KRTAP1-3: variants seen among roughly 807,000 people sequenced by gnomAD.
The protein encoded by KRTAP1-3 is keratin associated protein 1-3.
A neutral mutation model predicts 11.8 loss-of-function variants in KRTAP1-3; 10 were observed. That is an observed-to-expected ratio of 0.85 (90% CI 0.52 to 1.44). The LOEUF (loss-of-function observed/expected upper bound fraction) is 1.44. KRTAP1-3 is among the 40% of genes most tolerant of loss of function. The pLI is 0.00. For missense variants in KRTAP1-3, 176 were observed against 217.2 expected, an observed-to-expected ratio of 0.81 and a Z score of 1.19; for synonymous variants, 74 against 77.3, an observed-to-expected ratio of 0.96 and a Z score of 0.23.
In KRTAP1-3 at chr17:41,034,128, G is replaced by T. The variant is rs865808614; in HGVS notation, c.*190C>A. The T allele has an allele frequency of 2.6e-6, 2 of 780,572 alleles. No individual in the cohort carries two copies. Among genetic ancestry groups the T allele is most frequent in the African/African-American group, 1.8e-5 (1 of 56,876 alleles). 48.4% of individuals were successfully genotyped at this position (780,572 alleles called of 1,614,324 possible). ...ATTTGTATTTTGGCGTCCTCAGAGA[G>T]AAGAGTAAGGTCTTTCTGGAATTGA... On this transcript the variant is annotated 3_prime_UTR_variant, in exon 1 of 1. Coordinates refer to ENST00000344363, the MANE Select transcript of KRTAP1-3 (RefSeq NM_030966.2).
Position 41,034,481 on chromosome 17 carries a change from C to T in KRTAP1-3, c.341G>A (p.Arg114His), listed in dbSNP as rs200148920. The change falls in exon 1 of 1, where the codon CGT (arginine) becomes CAT (histidine). Residue 114 changes from arginine to histidine, a missense_variant. Physicochemically the swap from Arg to His is conservative, Grantham distance 29 (BLOSUM62 0). Transcript: ENST00000344363. ...TRIRWCRPDC[R>H]VEGTCLPPCC... Reference sequence around the variant, plus strand: ...GGGGGGCAGGCAGGTACCCTCCACACGGCAGTCTGGGCGGCACCACCTGAT... The same window carrying T: ...GGGGGGCAGGCAGGTACCCTCCACATGGCAGTCTGGGCGGCACCACCTGAT... 346 of 1,613,494 alleles carry T rather than the reference C, an allele frequency of 2.1e-4. 1 individual carries two copies. In the East Asian group the frequency reaches 3.4e-3, roughly 16 times the overall value.
In KRTAP1-3 at chr17:41,034,566, C is replaced by A; in HGVS notation, c.256G>T (p.Gly86Cys). Residue 86 changes from glycine to cysteine, a missense_variant, in exon 1 of 1, where the codon GGC becomes TGC. By Grantham distance (159) the Gly-to-Cys change is radical (BLOSUM62 -3). Transcript: ENST00000344363. The stretch of plus-strand genomic sequence containing the variant: ...CCATAGCCAATGCCACCACCAATGC[C>A]ACAGCCAGTTCCGCAGGAGCTGGTC... ...CQTSSCGTGC[G>C]IGGGIGYGQE... 5 of 1,612,386 alleles carry A rather than the reference C, an allele frequency of 3.1e-6. No homozygotes were observed. The highest frequency in any genetic ancestry group is 4.2e-6 in the Non-Finnish European group (5 of 1,179,798).
rs2012527210 is a variant in KRTAP1-3 at position 41,034,651 on chromosome 17, G to C, written c.171C>G (p.Ser57Arg). The change falls in exon 1 of 1, where the codon AGC (serine) becomes AGG (arginine). Residue 57 changes from serine to arginine, a missense_variant. Physicochemically the swap from Ser to Arg is moderately radical, Grantham distance 110 (BLOSUM62 -1). Coordinates refer to ENST00000344363, the MANE Select transcript of KRTAP1-3 (RefSeq NM_030966.2). ...AGCAGCTTGGCTGGCAGCAACTGGA[G>C]CTGCAGGTCCCACTAGTTGAGAAGC... ...FPSFSTSGTC[S>R]SSCCQPSCCE... The C allele has an allele frequency of 6.6e-7, 1 of 1,511,986 alleles. No individual in the cohort carries two copies. Among genetic ancestry groups the C allele is most frequent in the East Asian group, 2.6e-5 (1 of 38,678 alleles). The allele number at this position is 1,511,986 out of a possible 1,614,324, so 93.7% of individuals were successfully genotyped here.
chr17:41,034,019 C>T lies in KRTAP1-3; in HGVS notation c.*299G>A, dbSNP rs542331266. On this transcript the variant is annotated 3_prime_UTR_variant, in exon 1 of 1. Coordinates refer to ENST00000344363, the MANE Select transcript of KRTAP1-3 (RefSeq NM_030966.2). Reference sequence around the variant, plus strand: ...ACAGATGGCTCTTCCATGGTCTCGTCGGCGCTGAGACTCAGAGCGTGGGCT... The same window carrying T: ...ACAGATGGCTCTTCCATGGTCTCGTTGGCGCTGAGACTCAGAGCGTGGGCT... The T allele has an allele frequency of 9.8e-6, 4 of 406,306 alleles. No individual in the cohort carries two copies. Among genetic ancestry groups the T allele is most frequent in the East Asian group, 3.9e-5 (1 of 25,444 alleles). The allele number at this position is 406,306 out of a possible 1,614,324, so 25.2% of individuals were successfully genotyped here.
At position 41,034,129 on chromosome 17, in the gene KRTAP1-3, A is replaced by C; in HGVS notation, c.*189T>G. Reference sequence around the variant, plus strand: ...TTTGTATTTTGGCGTCCTCAGAGAGAAGAGTAAGGTCTTTCTGGAATTGAA... The same window carrying C: ...TTTGTATTTTGGCGTCCTCAGAGAGCAGAGTAAGGTCTTTCTGGAATTGAA... On this transcript the variant is annotated 3_prime_UTR_variant, in exon 1 of 1. Transcript: ENST00000344363. 1 of 777,072 alleles carries C rather than the reference A, an allele frequency of 1.3e-6. No homozygotes were observed. The highest frequency in any genetic ancestry group is 1.9e-6 in the Non-Finnish European group (1 of 520,072). 48.1% of individuals were successfully genotyped at this position (777,072 alleles called of 1,614,324 possible).
At position 41,034,026 on chromosome 17, in the gene KRTAP1-3, G is replaced by A. The variant is rs2012506515; in HGVS notation, c.*292C>T. On this transcript the variant is annotated 3_prime_UTR_variant, in exon 1 of 1. Coordinates refer to ENST00000344363, the MANE Select transcript of KRTAP1-3 (RefSeq NM_030966.2). ...GCTCTTCCATGGTCTCGTCGGCGCTGAGACTCAGAGCGTGGGCTTCAATGC... is the reference window on the plus strand; with the variant it reads ...GCTCTTCCATGGTCTCGTCGGCGCTAAGACTCAGAGCGTGGGCTTCAATGC... 1 of 430,546 alleles carries A rather than the reference G, an allele frequency of 2.3e-6. No individual in the cohort carries two copies. Among genetic ancestry groups the A allele is most frequent in the South Asian group, 6.0e-5 (1 of 16,738 alleles). 26.7% of individuals were successfully genotyped at this position (430,546 alleles called of 1,614,324 possible).
rs542205409 is a variant in KRTAP1-3 at position 41,034,490 on chromosome 17, G to A, written c.332C>T (p.Pro111Leu). 6.2e-7 allele frequency: 1 copy of A among 1,613,458 alleles called. No homozygotes were observed. The highest frequency in any genetic ancestry group is 1.3e-5 in the African/African-American group (1 of 74,986). Reference protein sequence around the residue: ...AVSTRIRWCRPDCRVEGTCLP... With the variant: ...AVSTRIRWCRLDCRVEGTCLP... ...GCAGGTACCCTCCACACGGCAGTCT[G>A]GGCGGCACCACCTGATACGGGTGCT... The change falls in exon 1 of 1, where the codon CCA becomes CTA. Residue 111 changes from proline to leucine, a missense_variant. By Grantham distance (98) the Pro-to-Leu change is moderately conservative. Coordinates refer to ENST00000344363, the MANE Select transcript of KRTAP1-3 (RefSeq NM_030966.2).
chr17:41,034,447 C>T lies in KRTAP1-3; in HGVS notation c.375G>A (p.Val125=). ...VEGTCLPPCC[V]VSCTPPTCCQ... ...AGCAGGTTGGGGGTGTGCAGCTCAC[C>T]ACACAGCAGGGGGGCAGGCAGGTAC... is the stretch of plus-strand genomic sequence containing the variant. Residue 125 remains valine, a synonymous_variant, in exon 1 of 1, where the codon GTG becomes GTA. Transcript: ENST00000344363. 6.2e-7 allele frequency: 1 copy of T among 1,613,778 alleles called. No individual in the cohort carries two copies. Among genetic ancestry groups the T allele is most frequent in the Non-Finnish European group, 8.5e-7 (1 of 1,180,018 alleles).
chr17:41,034,271 T>A lies in KRTAP1-3; in HGVS notation c.*47A>T. 6.6e-7 allele frequency: 1 copy of A among 1,521,194 alleles called. No homozygotes were observed. The highest frequency in any genetic ancestry group is 1.4e-5 in the African/African-American group (1 of 72,084). 94.2% of individuals were successfully genotyped at this position (1,521,194 alleles called of 1,614,324 possible). A position where few individuals can be genotyped will look rare whatever the true frequency, so the allele number is the denominator to read the frequency against. On this transcript the variant is annotated 3_prime_UTR_variant, in exon 1 of 1. Transcript: ENST00000344363. ...CTTGAAGAAATAATTCGTTCATGAA[T>A]GGAACTGAAAGTGGAAATTTCAAGT... is the stretch of plus-strand genomic sequence containing the variant.
Position 41,034,059 on chromosome 17 carries a change from G to T in KRTAP1-3, c.*259C>A. On this transcript the variant is annotated 3_prime_UTR_variant, in exon 1 of 1. Coordinates refer to ENST00000344363, the MANE Select transcript of KRTAP1-3 (RefSeq NM_030966.2). ...GAGCGTGGGCTTCAATGCTTGCAAA[G>T]GCTCAGTTTCAAGGTAAATCGGCTT... 1.9e-6 allele frequency: 1 copy of T among 523,506 alleles called. No individual in the cohort carries two copies. The highest frequency in any genetic ancestry group is 3.2e-6 in the Non-Finnish European group (1 of 310,672). 32.4% of individuals were successfully genotyped at this position (523,506 alleles called of 1,614,324 possible).
Position 41,034,295 on chromosome 17 carries a change from G to T in KRTAP1-3, c.*23C>A. 9.1e-6 allele frequency: 14 copies of T among 1,530,560 alleles called. No homozygotes were observed. The highest frequency in any genetic ancestry group is 1.2e-5 in the Non-Finnish European group (14 of 1,139,226). The allele number at this position is 1,530,560 out of a possible 1,614,324, so 94.8% of individuals were successfully genotyped here. A position where few individuals can be genotyped will look rare whatever the true frequency, so the allele number is the denominator to read the frequency against. On this transcript the variant is annotated 3_prime_UTR_variant, in exon 1 of 1. Transcript: ENST00000344363. Reference sequence around the variant, plus strand: ...ATGGAACTGAAAGTGGAAATTTCAAGTTGAAAATCAGCAAACTGGCTTTTA... The same window carrying T: ...ATGGAACTGAAAGTGGAAATTTCAATTTGAAAATCAGCAAACTGGCTTTTA...
At position 41,034,541 on chromosome 17, in the gene KRTAP1-3, C is replaced by T; in HGVS notation, c.281G>A (p.Gly94Asp). The T allele has an allele frequency of 6.2e-7, 1 of 1,612,118 alleles. No individual in the cohort carries two copies. Among genetic ancestry groups the T allele is most frequent in the Non-Finnish European group, 8.5e-7 (1 of 1,179,760 alleles). The change falls in exon 1 of 1, where the codon GGC becomes GAC. Residue 94 changes from glycine (G) to aspartate (D), a missense_variant. By Grantham distance (94) the Gly-to-Asp change is moderately conservative. Transcript: ENST00000344363. ...GCGIGGGIGY[G>D]QEGSSGAVST... is the part of the protein sequence containing the mutation. ...CACAGCTCCACTGCTGCCCTCCTGG[C>T]CATAGCCAATGCCACCACCAATGCC...
In KRTAP1-3 at chr17:41,034,402, C is replaced by T. The variant is rs1349962234; in HGVS notation, c.420G>A (p.Glu140=). ...PPTCCQLHHA[E]ASCCRPSYCG... is the part of the protein sequence containing the mutation. ...AGTAGGATGGGCGGCAGCAGGAGGC[C>T]TCGGCGTGGTGCAGCTGGCAGCAGG... Residue 140 remains glutamate (E), a synonymous_variant, in exon 1 of 1, where the codon GAG becomes GAA. Transcript: ENST00000344363. 1 of 1,613,238 alleles carries T rather than the reference C, an allele frequency of 6.2e-7. No homozygotes were observed. The highest frequency in any genetic ancestry group is 8.5e-7 in the Non-Finnish European group (1 of 1,179,624).
chr17:41,034,457 G>T lies in KRTAP1-3; in HGVS notation c.365C>A (p.Pro122His), dbSNP rs751575431. 1.9e-6 allele frequency: 3 copies of T among 1,613,772 alleles called. No individual in the cohort carries two copies. The highest frequency in any genetic ancestry group is 2.5e-6 in the Non-Finnish European group (3 of 1,180,008). ...DCRVEGTCLP[P>H]CCVVSCTPPT... The stretch of plus-strand genomic sequence containing the variant: ...GGGTGTGCAGCTCACCACACAGCAG[G>T]GGGGCAGGCAGGTACCCTCCACACG... Residue 122 changes from proline (P) to histidine (H), a missense_variant, in exon 1 of 1, where the codon CCC becomes CAC. Physicochemically the swap from Pro to His is moderately conservative, Grantham distance 77. Coordinates refer to ENST00000344363, the MANE Select transcript of KRTAP1-3 (RefSeq NM_030966.2).
In KRTAP1-3 at chr17:41,034,762, G is replaced by T; in HGVS notation, c.60C>A (p.Cys20Ter). The T allele has an allele frequency of 8.9e-6, 10 of 1,117,528 alleles. No homozygotes were observed. Among genetic ancestry groups the T allele is most frequent in the East Asian group, 4.6e-5 (1 of 21,556 alleles). The allele number at this position is 1,117,528 out of a possible 1,614,324, so 69.2% of individuals were successfully genotyped here. A position where few individuals can be genotyped will look rare whatever the true frequency, so the allele number is the denominator to read the frequency against. Residue 20 changes from cysteine to a stop codon, truncating the protein, a stop_gained, in exon 1 of 1, where the codon TGC (cysteine) becomes TGA (stop). Coordinates refer to ENST00000344363, the MANE Select transcript of KRTAP1-3 (RefSeq NM_030966.2). LOFTEE classifies it high-confidence loss of function. The part of the protein sequence containing the change: ...GYPSCSTSGT[C>*]GSSCCQPSCC... ...AGCTTGGCTGGCAGCAGCTGGAGCCGCATGTCCCACTGGTGGAGCAGCTGG... is the reference window on the plus strand; with the variant it reads ...AGCTTGGCTGGCAGCAGCTGGAGCCTCATGTCCCACTGGTGGAGCAGCTGG...
Position 41,034,364 on chromosome 17 carries a change from C to T in KRTAP1-3, c.458G>A (p.Cys153Tyr), listed in dbSNP as rs186414787. ...CCRPSYCGQSCCRPVCCCYSC... is the reference protein window; with the variant it reads ...CCRPSYCGQSYCRPVCCCYSC... ...GTAGCAGCAGCAGACTGGGCGGCAG[C>T]AGGACTGTCCACAGTAGGATGGGCG... The change falls in exon 1 of 1, where the codon TGC becomes TAC. Residue 153 changes from cysteine to tyrosine, a missense_variant. Cys to Tyr is a radical substitution (Grantham distance 194). Coordinates refer to ENST00000344363, the MANE Select transcript of KRTAP1-3 (RefSeq NM_030966.2). 6 of 1,603,362 alleles carry T rather than the reference C, an allele frequency of 3.7e-6. No homozygotes were observed. The highest frequency in any genetic ancestry group is 5.1e-6 in the Non-Finnish European group (6 of 1,172,572).
Position 41,034,050 on chromosome 17 carries a change from G to T in KRTAP1-3, c.*268C>A. ...TGAGACTCAGAGCGTGGGCTTCAAT[G>T]CTTGCAAAGGCTCAGTTTCAAGGTA... On this transcript the variant is annotated 3_prime_UTR_variant, in exon 1 of 1. Transcript: ENST00000344363. 1 of 500,950 alleles carries T rather than the reference G, an allele frequency of 2.0e-6. No homozygotes were observed. The highest frequency in any genetic ancestry group is 3.4e-6 in the Non-Finnish European group (1 of 294,724). The allele number at this position is 500,950 out of a possible 1,614,324, so 31.0% of individuals were successfully genotyped here. A position where few individuals can be genotyped will look rare whatever the true frequency, so the allele number is the denominator to read the frequency against.
At position 41,033,884 on chromosome 17, in the gene KRTAP1-3, T is replaced by G; in HGVS notation, c.*434A>C. On this transcript the variant is annotated 3_prime_UTR_variant, in exon 1 of 1. Coordinates refer to ENST00000344363, the MANE Select transcript of KRTAP1-3 (RefSeq NM_030966.2). ...CACTCAATGAAAAAAAAAAGATATG[T>G]TTGTTGCACCAATAGTTAAAATTTA... 1 of 169,154 alleles carries G rather than the reference T, an allele frequency of 5.9e-6. No homozygotes were observed. The highest frequency in any genetic ancestry group is 1.2e-5 in the Non-Finnish European group (1 of 80,292). 10.5% of individuals were successfully genotyped at this position (169,154 alleles called of 1,614,324 possible).
At position 41,033,979 on chromosome 17, in the gene KRTAP1-3, A is replaced by G; in HGVS notation, c.*339T>C. ...GCAGGACGGTGGGATACAGGAAGTG[A>G]GTGTCCTGAGAAGGACAGATGGCTC... is the stretch of plus-strand genomic sequence containing the variant. On this transcript the variant is annotated 3_prime_UTR_variant, in exon 1 of 1. Coordinates refer to ENST00000344363, the MANE Select transcript of KRTAP1-3 (RefSeq NM_030966.2). 3.2e-6 allele frequency: 1 copy of G among 311,594 alleles called. No homozygotes were observed. Among genetic ancestry groups the G allele is most frequent in the Non-Finnish European group, 5.9e-6 (1 of 170,508 alleles). The allele number at this position is 311,594 out of a possible 1,614,324, so 19.3% of individuals were successfully genotyped here. A position where few individuals can be genotyped will look rare whatever the true frequency, so the allele number is the denominator to read the frequency against.
Sources: gnomAD v4.1 joint callset for allele counts on GRCh38, gnomAD v4.1.1 for gene constraint, MANE v1.5 for transcripts, NCBI Gene and HGNC (gene_info 2026-07-23, HGNC 2026-07-21) for gene names.